Variants in MSRB1 observed in about 807,000 individuals in gnomAD.
MSRB1 encodes methionine-R-sulfoxide reductase B1.
A neutral mutation model predicts 15.2 loss-of-function variants in MSRB1; 13 were observed. The ratio of observed to expected loss-of-function variants is 0.86; its 90% CI spans 0.56 to 1.36. MSRB1 has a LOEUF of 1.36. MSRB1 is among the 40% of genes most tolerant of loss of function. MSRB1 has a pLI of 0.00. For synonymous variants in MSRB1, 68 were observed against 64.5 expected, an observed-to-expected ratio of 1.05 and a Z score of -0.26; for missense variants, 174 against 155.9, an observed-to-expected ratio of 1.12 and a Z score of -0.62.
At chr16:1,939,593 G>A (rs1370506212) in intron 3 of MSRB1, among the ~76,000 whole-genome samples, 1 of 152,200 alleles carries the variant, frequency 6.6e-6, no homozygotes. Context: ...AGCACCTTGG[G>A]AGGCCAAGGC....
chr16:1,940,958 C>A (rs1250977361), intron 2 of MSRB1, 66 bp from the exon 3 acceptor site: 1 of 1,606,080 alleles, frequency 6.2e-7, no homozygotes, highest in Non-Finnish European at 8.5e-7. Context: ...AAGGCCCTTA[C>A]TGGGGCTGGC....
chr16:1,942,226 C>T (rs996581681), intron 1 of MSRB1, among the ~76,000 whole-genome samples: 4 of 152,208 alleles, frequency 2.6e-5, no homozygotes, highest in African/African-American at 7.2e-5. Flanking sequence ...GGCAGAGCAG[C>T]CTGAGGACAA....
intron 1 of MSRB1, among the ~76,000 whole-genome samples, chr16:1,942,142 C>G (rs936519458): frequency 1.3e-5 from 2 of 152,206 alleles, no homozygotes; most frequent in Non-Finnish European, 2.9e-5. Context: ...TGTAAACTAC[C>G]CAGCCTTTTC....
At chr16:1,939,321 G>A (rs1164075916) in intron 3 of MSRB1, among the ~76,000 whole-genome samples, 178 bp from the exon 4 acceptor site, 1 of 152,192 alleles carries the variant, frequency 6.6e-6, no homozygotes. Flanking sequence ...CAGGCCACAG[G>A]GGAGCTGAAA....
chr16:1,940,029 T>G (rs1302519827), intron 3 of MSRB1, among the ~76,000 whole-genome samples: 1 of 151,574 alleles, frequency 6.6e-6, no homozygotes, highest in Non-Finnish European at 1.5e-5. Flanking sequence ...TCGAGCACTT[T>G]GAGAGGCCAA....
intron 3 of MSRB1, 121 bp from the exon 4 acceptor site, chr16:1,939,264 G>T (rs147549994): frequency 0.011 from 13,073 of 1,137,044 alleles, 98 homozygotes; most frequent in Non-Finnish European, 0.013. Context: ...CTGCAAGGCA[G>T]AGCTTCAGGT....
chr16:1,939,846 C>G (rs1264152438), intron 3 of MSRB1, among the ~76,000 whole-genome samples: 2 of 149,600 alleles, frequency 1.3e-5, no homozygotes, highest in Non-Finnish European at 3.0e-5. Context: ...CCCAGCTACT[C>G]GGGAGGCTGA....
chr16:1,941,554 G>A (rs1015922994), intron 1 of MSRB1, 149 bp from the exon 2 acceptor site: 62 of 1,046,508 alleles, frequency 5.9e-5, no homozygotes, highest in East Asian at 3.1e-4. Flanking sequence ...CACGGGAGGC[G>A]CTGTGCTGAG....
rs1218302925 is a variant in MSRB1, at chr16:1,938,912, G to A, written c.*200C>T. 9.5e-6 allele frequency: 7 copies of A among 737,240 alleles called. No homozygotes were observed. The highest frequency in any genetic ancestry group is 1.4e-5 in the Non-Finnish European group (6 of 440,164). 45.7% of individuals were successfully genotyped at this position (737,240 alleles called of 1,614,324 possible). On this transcript the variant is annotated 3_prime_UTR_variant, in exon 4 of 4. Coordinates refer to ENST00000361871, the MANE Select transcript of MSRB1 (RefSeq NM_016332.4). ...CAGCCCAGGCCTGTCCCAGCAGAAG[G>A]CATGAACCATCAGCAAATGAGTCTC...
chr16:1,941,036 C>A (rs2083073530), intron 2 of MSRB1, 144 bp from the exon 3 acceptor site: 1 of 1,552,542 alleles, frequency 6.4e-7, no homozygotes, highest in South Asian at 1.2e-5. Flanking sequence ...GACCTTTGTC[C>A]TGGAGCCCGT....
rs1413030835 is a variant in MSRB1 at position 1,940,781 on chromosome 16, T to C, written c.316A>G (p.Lys106Glu). 1.2e-6 allele frequency: 2 copies of C among 1,612,930 alleles called. No individual in the cohort carries two copies. The highest frequency in any genetic ancestry group is 1.7e-6 in the Non-Finnish European group (2 of 1,179,104). Residue 106 changes from lysine to glutamate, a missense_variant, in exon 3 of 4, where the codon AAA becomes GAA. Physicochemically the swap from Lys to Glu is moderately conservative, Grantham distance 56 (BLOSUM62 1). Transcript: ENST00000361871. ...IFSSSLKFVP[K>E]GKETSASQGH Reference sequence around the variant, plus strand: ...CAGCTGTGCAAAGCAAGCTCACCTTTAGGGACAAACTTCAGCGAGCTGCTG... The same window carrying C: ...CAGCTGTGCAAAGCAAGCTCACCTTCAGGGACAAACTTCAGCGAGCTGCTG...
rs924585994 is a variant in MSRB1 at position 1,939,207 on chromosome 16, G to C, written c.320-64C>G. ...AGAAAGCAAGCAGGGGCGGAAAGCC[G>C]GGCGCGGGGGCGGTGGAAAGCCAGG... On this transcript the variant is annotated intron_variant, in intron 3 of 3. Coordinates refer to ENST00000361871, the MANE Select transcript of MSRB1 (RefSeq NM_016332.4). 9 of 1,538,558 alleles carry C rather than the reference G, an allele frequency of 5.8e-6. No individual in the cohort carries two copies. The African/African-American group carries it at 1.1e-4, about 19-fold the overall frequency.
Position 1,941,390 on chromosome 16 carries a change from G to A in MSRB1, c.71C>T (p.Ala24Val). 1 of 1,613,068 alleles carries A rather than the reference G, an allele frequency of 6.2e-7. No homozygotes were observed. Among genetic ancestry groups the A allele is most frequent in the Non-Finnish European group, 8.5e-7 (1 of 1,179,662 alleles). ...NHFEPGVYVC[A>V]KCGYELFSSR... ...GGAGAACAGCTCATAGCCACACTTG[G>A]CACACACGTAAACGCCTGTGGTGGA... is the stretch of plus-strand genomic sequence containing the variant. Residue 24 changes from alanine (A) to valine (V), a missense_variant, in exon 2 of 4, where the codon GCC becomes GTC. Transcript: ENST00000361871.
chr16:1,939,914 T>C (rs532859461), intron 3 of MSRB1, among the ~76,000 whole-genome samples: 150 of 150,796 alleles, frequency 9.9e-4, no homozygotes, highest in African/African-American at 3.5e-3. Flanking sequence ...AGATTGGCCA[T>C]TGCACTCCAG....
At chr16:1,943,046 C>G (rs1340765755) in intron 1 of MSRB1, 56 bp downstream of exon 1, 6 of 1,544,946 alleles carry the variant, frequency 3.9e-6, no homozygotes, top group Non-Finnish European at 5.2e-6. Context: ...GCGGCGCCCC[C>G]GCTAATGCGC....
intron 2 of MSRB1, 61 bp downstream of exon 2, chr16:1,941,196 G>C: frequency 1.2e-6 from 2 of 1,600,710 alleles, no homozygotes; most frequent in Non-Finnish European, 1.7e-6. Context: ...GAGGAAGGTG[G>C]GACTGGCTCT....
chr16:1,942,930 C>T (rs1179837958), intron 1 of MSRB1, among the ~76,000 whole-genome samples, 172 bp downstream of exon 1: 1 of 152,132 alleles, frequency 6.6e-6, no homozygotes, highest in Admixed American at 6.5e-5. Context: ...TCCTCGCCCC[C>T]AGGCTCCCCA....
At position 1,941,279 on chromosome 16, in the gene MSRB1, T is replaced by C; in HGVS notation, c.182A>G (p.His61Arg). 2 of 1,613,048 alleles carry C rather than the reference T, an allele frequency of 1.2e-6. No individual in the cohort carries two copies. The highest frequency in any genetic ancestry group is 1.7e-6 in the Non-Finnish European group (2 of 1,179,916). ...CACCTTCAAGGCTTCAGATCTATTGTGCTCCGGACGCTTGGCCACGCTGTC... is the reference window on the plus strand; with the variant it reads ...CACCTTCAAGGCTTCAGATCTATTGCGCTCCGGACGCTTGGCCACGCTGTC... ...HADSVAKRPEHNRSEALKVSC... is the reference protein window; with the variant it reads ...HADSVAKRPERNRSEALKVSC... Residue 61 changes from histidine to arginine, a missense_variant, in exon 2 of 4, where the codon CAC (histidine) becomes CGC (arginine). Physicochemically the swap from His to Arg is conservative, Grantham distance 29. Coordinates refer to ENST00000361871, the MANE Select transcript of MSRB1 (RefSeq NM_016332.4).
At position 1,938,440 on chromosome 16, in the gene MSRB1, G is replaced by C. The variant is rs1461352026; in HGVS notation, c.*672C>G. On this transcript the variant is annotated 3_prime_UTR_variant, in exon 4 of 4. Transcript: ENST00000361871. ...GCCCTGTGCTGGTTAGAGTTATGGA[G>C]CAACAGCCGCTTTCCTAAGCAGAAG... 1 of 154,330 alleles carries C rather than the reference G, an allele frequency of 6.5e-6. No individual in the cohort carries two copies. The highest frequency in any genetic ancestry group is 1.4e-5 in the Non-Finnish European group (1 of 69,230). 9.6% of individuals were successfully genotyped at this position (154,330 alleles called of 1,614,324 possible). A position where few individuals can be genotyped will look rare whatever the true frequency, so the allele number is the denominator to read the frequency against.
Sources: gnomAD v4.1 joint callset for allele counts (sites outside exome capture counted in the v4.1 genomes callset) on GRCh38, gnomAD v4.1.1 for gene constraint, MANE v1.5 for transcripts, NCBI Gene and HGNC (gene_info 2026-07-23, HGNC 2026-07-21) for gene names.